LCN8: variants seen among roughly 807,000 people sequenced by gnomAD.
LCN8 encodes the protein epididymal-specific lipocalin-8.
LCN8 carries 16 observed loss-of-function variants against 22.8 expected under a neutral mutation model. The observed-to-expected ratio is 0.70, with a 90% confidence interval of 0.47 to 1.06. LCN8 has a LOEUF of 1.06. LCN8 is among the 50% of genes least tolerant of loss of function. LCN8 has a pLI of 0.00. For missense variants in LCN8, 189 were observed against 203.3 expected, an observed-to-expected ratio of 0.93 and a Z score of 0.43; for synonymous variants, 92 against 83.4, an observed-to-expected ratio of 1.10 and a Z score of -0.56.
intron 3 of LCN8, 74 bp from the exon 4 acceptor site, chr9:136,755,590 C>G: frequency 6.5e-7 from 1 of 1,545,752 alleles, no homozygotes; most frequent in Non-Finnish European, 8.7e-7. Flanking sequence ...TCTGCAGGGT[C>G]TAACTCCATC....
intron 1 of LCN8, 190 bp from the exon 2 acceptor site, chr9:136,757,358 T>C: frequency 7.0e-7 from 1 of 1,435,498 alleles, no homozygotes; most frequent in African/African-American, 1.4e-5. Flanking sequence ...AAGCGGTGCC[T>C]TCAGGCCATC....
intron 6 of LCN8, 75 bp downstream of exon 6, chr9:136,755,060 G>T: frequency 1.4e-6 from 2 of 1,449,268 alleles, no homozygotes; most frequent in Non-Finnish European, 1.8e-6. Context: ...AGCCACGGGG[G>T]CTCCTGACAG....
chr9:136,755,792 G>GGGCAGGGAACCC (rs1847174705), intron 3 of LCN8: 1 of 1,471,378 alleles, frequency 6.8e-7, no homozygotes, highest in African/African-American at 1.4e-5. Flanking sequence ...ATGGGGAACA[G>GGGCAGGGAACCC]TGCAGGGAAC....
intron 3 of LCN8, 37 bp downstream of exon 3, chr9:136,756,485 C>T (rs770488990): frequency 2.6e-5 from 42 of 1,613,920 alleles, no homozygotes; most frequent in South Asian, 1.1e-4. Flanking sequence ...TGTGCACAGC[C>T]GGGTTCCACC....
chr9:136,757,867 G>A (rs766996388), intron 1 of LCN8, 40 bp downstream of exon 1: 1 of 1,613,612 alleles, frequency 6.2e-7, no homozygotes, highest in Non-Finnish European at 8.5e-7. Context: ...AGGGGTTGGG[G>A]GTGTAGGAGG....
At chr9:136,756,258 C>A (rs1847195116) in intron 3 of LCN8, 1 of 1,440,274 alleles carries the variant, frequency 6.9e-7, no homozygotes, top group Non-Finnish European at 9.2e-7. Flanking sequence ...TGGGGAATGG[C>A]GCAGAGAAAA....
intron 5 of LCN8, 31 bp downstream of exon 5, chr9:136,755,213 C>G: frequency 1.9e-6 from 3 of 1,610,772 alleles, no homozygotes; most frequent in Non-Finnish European, 2.5e-6. Flanking sequence ...AGGGCCCAGC[C>G]CAGCCTCCAC....
chr9:136,756,057 C>T (rs1453608648), intron 3 of LCN8: 55 of 1,274,856 alleles, frequency 4.3e-5, no homozygotes, highest in South Asian at 8.8e-5. Flanking sequence ...GGGAGCAGTG[C>T]GGGGAACAGT....
Position 136,758,173 on chromosome 9 carries a change from G to C in LCN8, c.-243C>G. ...GGCCCTGGTGACACCCACGCCCACCGCAGGGGTTAGCCTGGCCTAGACAGC... is the reference window on the plus strand; with the variant it reads ...GGCCCTGGTGACACCCACGCCCACCCCAGGGGTTAGCCTGGCCTAGACAGC... On this transcript the variant is annotated 5_prime_UTR_variant, in exon 1 of 7. Transcript: ENST00000371688. 7.0e-7 allele frequency: 1 copy of C among 1,423,444 alleles called. No individual in the cohort carries two copies. The highest frequency in any genetic ancestry group is 2.5e-5 in the East Asian group (1 of 39,268). The allele number at this position is 1,423,444 out of a possible 1,614,324, so 88.2% of individuals were successfully genotyped here. A position where few individuals can be genotyped will look rare whatever the true frequency, so the allele number is the denominator to read the frequency against.
intron 1 of LCN8, chr9:136,757,497 A>T (rs1847236451): frequency 2.2e-6 from 3 of 1,353,394 alleles, no homozygotes; most frequent in Non-Finnish European, 2.9e-6. Flanking sequence ...AGGACCCAGG[A>T]GCAGAGGCCT....
At chr9:136,757,316 T>C in intron 1 of LCN8, 148 bp from the exon 2 acceptor site, 1 of 1,459,424 alleles carries the variant, frequency 6.9e-7, no homozygotes, top group Non-Finnish European at 9.0e-7. Flanking sequence ...AAGACATCTG[T>C]GAGCCCACTG....
chr9:136,756,674 C>A, intron 2 of LCN8, 82 bp from the exon 3 acceptor site: 1 of 1,572,858 alleles, frequency 6.4e-7, no homozygotes, highest in Admixed American at 1.7e-5. Context: ...GGGGCTGTGT[C>A]TTTAGGAAGG....
In LCN8 at chr9:136,755,532, A is replaced by G. The variant is rs770108583; in HGVS notation, c.227-16T>C. On this transcript the variant is annotated splice_polypyrimidine_tract_variant and intron_variant, in intron 3 of 6. Transcript: ENST00000371688. ...TCTCTGTGGCCTTCAAGAGCCGGCCATGGCGTTGGGGGAGACGTCTGAGGG... is the reference window on the plus strand; with the variant it reads ...TCTCTGTGGCCTTCAAGAGCCGGCCGTGGCGTTGGGGGAGACGTCTGAGGG... 19 of 1,607,552 alleles carry G rather than the reference A, an allele frequency of 1.2e-5. No individual in the cohort carries two copies. The highest frequency in any genetic ancestry group is 1.0e-4 in the South Asian group (9 of 90,334).
At chr9:136,755,627 A>C (rs1201911072) in intron 3 of LCN8, 111 bp from the exon 4 acceptor site, 8 of 1,529,040 alleles carry the variant, frequency 5.2e-6, no homozygotes, top group Non-Finnish European at 7.0e-6. Context: ...CCAGCACTTG[A>C]GTGGTTGGAG....
chr9:136,756,064 C>G (rs1847184871), intron 3 of LCN8: 1 of 1,298,184 alleles, frequency 7.7e-7, no homozygotes. Context: ...GTGCGGGGAA[C>G]AGTGCAGGGA....
At position 136,755,507 on chromosome 9, in the gene LCN8, TCTCTGTGGCC is replaced by T; in HGVS notation, c.227-1_235del. ...GTAGTCGGTGTCCAGCACGTGGATC[TCTCTGTGGCC>T]TTCAAGAGCCGGCCATGGCGTTGGG... On this transcript the variant is annotated splice_acceptor_variant and coding_sequence_variant, in exon 4 of 7. Transcript: ENST00000371688. LOFTEE classifies it high-confidence loss of function. 1.2e-6 allele frequency: 2 copies of T among 1,612,258 alleles called. No homozygotes were observed. Among genetic ancestry groups the T allele is most frequent in the Non-Finnish European group, 1.7e-6 (2 of 1,179,638 alleles).
chr9:136,757,760 A>G, intron 1 of LCN8, 147 bp downstream of exon 1: 1 of 1,561,180 alleles, frequency 6.4e-7, no homozygotes, highest in Non-Finnish European at 8.7e-7. Context: ...GCACAGACTC[A>G]GCGGAGAAGA....
chr9:136,755,781 CATGGGGAACAGT>C, intron 3 of LCN8: 1 of 1,472,408 alleles, frequency 6.8e-7, no homozygotes, highest in Non-Finnish European at 9.0e-7. Context: ...CAGGAAACAG[CATGGGGAACAGT>C]GCAGGGAACA....
chr9:136,755,096 G>C, intron 6 of LCN8, 39 bp downstream of exon 6: 1 of 1,488,586 alleles, frequency 6.7e-7, no homozygotes. Flanking sequence ...CAGGGGCCCG[G>C]GAACTTCAGC....
Sources: gnomAD v4.1 joint callset for allele counts on GRCh38, gnomAD v4.1.1 for gene constraint, MANE v1.5 for transcripts, NCBI Gene and HGNC (gene_info 2026-07-23, HGNC 2026-07-21) for gene names.